IQGAP2: variants seen among roughly 807,000 people sequenced by gnomAD.
The protein encoded by IQGAP2 is IQ motif containing GTPase activating protein 2.
In IQGAP2, 173 loss-of-function variants were observed where a neutral mutation model predicts 201.3. That is an observed-to-expected ratio of 0.86 (90% CI 0.76 to 0.98). The LOEUF (loss-of-function observed/expected upper bound fraction) is 0.98, where lower values mean the gene tolerates loss of function less well. Among genes scored for constraint, IQGAP2 ranks in the 50% least tolerant of loss-of-function variants. The pLI is 0.00. For missense variants in IQGAP2, 1,687 were observed against 1,864.8 expected, an observed-to-expected ratio of 0.90 and a Z score of 1.76; for synonymous variants, 675 against 673.9, an observed-to-expected ratio of 1.00 and a Z score of -0.03.
intron 3 of IQGAP2, among the ~76,000 whole-genome samples, chr5:76,567,155 G>A (rs377198762): frequency 6.5e-4 from 99 of 152,306 alleles, no homozygotes; most frequent in Middle Eastern, 3.4e-3. Context: ...ATACTTCAGC[G>A]TCTAGCTTCG....
intron 17 of IQGAP2, among the ~76,000 whole-genome samples, chr5:76,652,117 A>G (rs1752563566): frequency 1.3e-5 from 2 of 152,202 alleles, no homozygotes; most frequent in African/African-American, 4.8e-5. Context: ...TAAAGATACT[A>G]GTTTGTGTCC....
At chr5:76,589,580 C>T in intron 6 of IQGAP2, 35 bp from the exon 7 acceptor site, 1 of 1,211,822 alleles carries the variant, frequency 8.3e-7, no homozygotes, top group Non-Finnish European at 1.2e-6. Context: ...GTAGCTTTCT[C>T]TGATAATGAT....
At chr5:76,629,310 G>A (rs530457695) in intron 14 of IQGAP2, among the ~76,000 whole-genome samples, 2 of 152,278 alleles carry the variant, frequency 1.3e-5, no homozygotes, top group Non-Finnish European at 2.9e-5. Context: ...TTATTTGCAT[G>A]AAGACTTGAA....
intron 1 of IQGAP2, among the ~76,000 whole-genome samples, chr5:76,450,450 C>G (rs779316472): frequency 5.3e-5 from 8 of 152,184 alleles, no homozygotes; most frequent in Non-Finnish European, 1.0e-4. Context: ...CTCTATAGAG[C>G]AATCTATTAG....
chr5:76,416,695 T>C (rs1475611107), intron 1 of IQGAP2, among the ~76,000 whole-genome samples: 7 of 152,140 alleles, frequency 4.6e-5, no homozygotes, highest in Non-Finnish European at 7.4e-5. Context: ...GCGTGGCTAA[T>C]TTTTGTATTA....
Position 76,626,270 on chromosome 5 carries a change from C to CTT in IQGAP2, c.1522-1122_1522-1121dup, listed in dbSNP as rs34251090. Among the ~76,000 whole-genome samples, 364 of 83,632 alleles carry CTT rather than the reference C, an allele frequency of 4.4e-3. 32 individuals are homozygous for CTT. The highest frequency in any genetic ancestry group is 0.015 in the African/African-American group (299 of 20,162). 54.9% of individuals were successfully genotyped at this position (83,632 alleles called of 152,430 possible). On this transcript the variant is annotated intron_variant, in intron 13 of 35. Coordinates refer to ENST00000274364, the MANE Select transcript of IQGAP2 (RefSeq NM_006633.5). ...TTCTTTTTCTTTTTTTTCTTCTTTT[C>CTT]TTTTTTTTTTTTTTTTTTTGTGAGA...
intron 2 of IQGAP2, among the ~76,000 whole-genome samples, chr5:76,559,797 G>T (rs754315914): frequency 6.6e-6 from 1 of 152,082 alleles, no homozygotes; most frequent in Non-Finnish European, 1.5e-5. Flanking sequence ...TTTCTTCCAC[G>T]TCCCAAAGAT....
At chr5:76,639,351 A>G (rs1317761485) in intron 16 of IQGAP2, among the ~76,000 whole-genome samples, 3 of 152,206 alleles carry the variant, frequency 2.0e-5, no homozygotes, top group Non-Finnish European at 4.4e-5. Context: ...AGTCACCGGT[A>G]TCTCTGAGTG....
intron 8 of IQGAP2, among the ~76,000 whole-genome samples, chr5:76,591,526 A>T (rs1746651309): frequency 6.6e-6 from 1 of 152,168 alleles, no homozygotes; most frequent in African/African-American, 2.4e-5. Context: ...TCCATGACTG[A>T]AAGTAACCAC....
intron 2 of IQGAP2, among the ~76,000 whole-genome samples, chr5:76,533,978 A>G (rs1184049055): frequency 6.6e-6 from 1 of 152,226 alleles, no homozygotes; most frequent in African/African-American, 2.4e-5. Context: ...GACTACATCA[A>G]AGGCACGATG....
At chr5:76,472,625 G>A (rs1394570348) in intron 2 of IQGAP2, among the ~76,000 whole-genome samples, 1 of 152,082 alleles carries the variant, frequency 6.6e-6, no homozygotes, top group Non-Finnish European at 1.5e-5. Context: ...ATAGTAGGTG[G>A]AAAAAGTTCT....
At chr5:76,545,690 A>G (rs981306482) in intron 2 of IQGAP2, among the ~76,000 whole-genome samples, 4 of 152,156 alleles carry the variant, frequency 2.6e-5, no homozygotes, top group East Asian at 1.9e-4. Flanking sequence ...CTTCATTGCT[A>G]TCTGTCTTTG....
intron 1 of IQGAP2, among the ~76,000 whole-genome samples, chr5:76,409,573 C>T (rs1341083196): frequency 6.6e-6 from 1 of 152,094 alleles, no homozygotes; most frequent in Non-Finnish European, 1.5e-5. Context: ...TAGAATACAT[C>T]CAAGCTTCAT....
intron 2 of IQGAP2, among the ~76,000 whole-genome samples, chr5:76,498,737 G>A (rs944101827): frequency 4.6e-5 from 7 of 152,216 alleles, no homozygotes; most frequent in African/African-American, 1.7e-4. Flanking sequence ...GCACAACTGG[G>A]TGTTAGTTGA....
intron 1 of IQGAP2, among the ~76,000 whole-genome samples, chr5:76,457,537 C>T (rs1754172334): frequency 6.6e-6 from 1 of 152,202 alleles, no homozygotes; most frequent in Non-Finnish European, 1.5e-5. Context: ...CAAGCAGCCA[C>T]TCAAATGTTT....
rs1235040363 is a variant in IQGAP2, at chr5:76,707,215, C to T, written c.4630C>T (p.Gln1544Ter). The T allele has an allele frequency of 1.2e-5, 18 of 1,441,806 alleles. No individual in the cohort carries two copies. Among genetic ancestry groups the T allele is most frequent in the Non-Finnish European group, 1.5e-5 (15 of 1,024,538 alleles). 89.3% of individuals were successfully genotyped at this position (1,441,806 alleles called of 1,614,324 possible). Residue 1544 changes from glutamine to a stop codon, truncating the protein, a stop_gained, in exon 36 of 36, where the codon CAA (glutamine) becomes TAA (stop). Coordinates refer to ENST00000274364, the MANE Select transcript of IQGAP2 (RefSeq NM_006633.5). LOFTEE classifies it high-confidence loss of function. ...ACAATTTCAGGATTTACTTCAGATG[C>T]AATATGAAGGAGTAGCTGTAATGAA... ...QLNIQDLLQM[Q>*]YEGVAVMKMF...
intron 2 of IQGAP2, among the ~76,000 whole-genome samples, chr5:76,508,004 CAAAAAAAAA>C (rs35283673): frequency 1.4e-4 from 9 of 63,310 alleles, no homozygotes; most frequent in Non-Finnish European, 2.8e-5. Flanking sequence ...GACTCCTTCT[CAAAAAAAAA>C]AAAAAAAAAA....
intron 1 of IQGAP2, among the ~76,000 whole-genome samples, chr5:76,438,306 C>G (rs1478019778): frequency 6.6e-6 from 1 of 152,190 alleles, no homozygotes; most frequent in East Asian, 1.9e-4. Context: ...CTTCCTGATT[C>G]AAGCTAGGAA....
chr5:76,501,615 C>T (rs929157198), intron 2 of IQGAP2, among the ~76,000 whole-genome samples: 1 of 147,950 alleles, frequency 6.8e-6, no homozygotes, highest in African/African-American at 2.5e-5. Context: ...TCTAAGCAGC[C>T]CTCCTGCTGC....
Sources: gnomAD v4.1 joint callset for allele counts (sites outside exome capture counted in the v4.1 genomes callset) on GRCh38, gnomAD v4.1.1 for gene constraint, MANE v1.5 for transcripts, NCBI Gene and HGNC (gene_info 2026-07-23, HGNC 2026-07-21) for gene names.